The following ANKRD45 variants were observed in gnomAD, a reference collection of about 807,000 sequenced individuals.
ANKRD45 encodes ankyrin repeat domain 45.
A neutral mutation model predicts 28.1 loss-of-function variants in ANKRD45; 21 were observed. The ratio of observed to expected loss-of-function variants is 0.75; its 90% CI spans 0.53 to 1.08. ANKRD45 has a LOEUF of 1.08. Among genes scored for constraint, ANKRD45 ranks in the 50% least tolerant of loss-of-function variants. The pLI is 0.00. For synonymous variants in ANKRD45, 86 were observed against 103.9 expected, an observed-to-expected ratio of 0.83 and a Z score of 1.05; for missense variants, 261 against 308.7, an observed-to-expected ratio of 0.85 and a Z score of 1.16.
chr1:173,641,422 G>A (rs1203226367), intron 3 of ANKRD45, among the ~76,000 whole-genome samples: 1 of 152,178 alleles, frequency 6.6e-6, no homozygotes, highest in East Asian at 1.9e-4. Flanking sequence ...CACACTGAGG[G>A]TCAGGCCCAG....
the ANKRD45 span, among the ~76,000 whole-genome samples, chr1:173,680,258 T>A: frequency 6.6e-6 from 1 of 152,222 alleles, no homozygotes. Flanking sequence ...ATTGTGGCAC[T>A]ATTCACAATA....
At chr1:173,662,600 C>T (rs1053908880) in intron 1 of ANKRD45, among the ~76,000 whole-genome samples, 1 of 152,200 alleles carries the variant, frequency 6.6e-6, no homozygotes, top group Non-Finnish European at 1.5e-5. Context: ...CTTTCATCTT[C>T]ACAACTCTTG....
chr1:173,645,048 G>T (rs964973935), intron 3 of ANKRD45, among the ~76,000 whole-genome samples: 4 of 151,588 alleles, frequency 2.6e-5, no homozygotes, highest in Non-Finnish European at 5.9e-5. Context: ...TACTATTCAT[G>T]GGGGGAATCA....
At chr1:173,643,520 A>C (rs1668794929) in intron 3 of ANKRD45, among the ~76,000 whole-genome samples, 1 of 152,142 alleles carries the variant, frequency 6.6e-6, no homozygotes, top group African/African-American at 2.4e-5. Context: ...TTCCTACTTC[A>C]GATTGCTAAA....
At chr1:173,621,878 C>G (rs1558120399) in intron 5 of ANKRD45, among the ~76,000 whole-genome samples, 1 of 152,132 alleles carries the variant, frequency 6.6e-6, no homozygotes, top group Admixed American at 6.5e-5. Flanking sequence ...TCTTTGTTTG[C>G]AGATGACATG....
chr1:173,612,265 AAGAG>A (rs149711490), intron 5 of ANKRD45, among the ~76,000 whole-genome samples: 8 of 148,588 alleles, frequency 5.4e-5, no homozygotes, highest in Non-Finnish European at 1.2e-4. Context: ...AAAGAAAAGA[AAGAG>A]AGAGAGGGAG....
chr1:173,710,318 T>C, the ANKRD45 span, among the ~76,000 whole-genome samples: 242 of 152,202 alleles, frequency 1.6e-3, no homozygotes, highest in Middle Eastern at 0.01. Context: ...CTGAGGGGCA[T>C]GAAGCAGAAG....
chr1:173,658,984 A>G (rs1669664163), intron 2 of ANKRD45, 107 bp downstream of exon 2: 4 of 1,441,822 alleles, frequency 2.8e-6, no homozygotes, highest in Non-Finnish European at 3.7e-6. Context: ...ATACACATAT[A>G]TGTAAAGTAT....
chr1:173,671,172 C>A (rs570290231), upstream of ANKRD45, among the ~76,000 whole-genome samples: 9 of 152,170 alleles, frequency 5.9e-5, no homozygotes, highest in Non-Finnish European at 8.8e-5. Flanking sequence ...ATTAGCCACC[C>A]CACCCCCTAT....
In ANKRD45 at chr1:173,609,744, A is replaced by G. The variant is rs554375559; in HGVS notation, c.*401T>C. On this transcript the variant is annotated 3_prime_UTR_variant, in exon 6 of 6. Coordinates refer to ENST00000333279, the MANE Select transcript of ANKRD45 (RefSeq NM_198493.3). The stretch of plus-strand genomic sequence containing the variant: ...CTGGTCTTAATATTTCCTTGCTCCA[A>G]GTGTCATTCCATAAGATTTCCTTTT... 1 of 164,156 alleles carries G rather than the reference A, an allele frequency of 6.1e-6. No homozygotes were observed. Among genetic ancestry groups the G allele is most frequent in the East Asian group, 1.8e-4 (1 of 5,696 alleles). 10.2% of individuals were successfully genotyped at this position (164,156 alleles called of 1,614,324 possible). A position where few individuals can be genotyped will look rare whatever the true frequency, so the allele number is the denominator to read the frequency against.
chr1:173,701,675 C>T, the ANKRD45 span, among the ~76,000 whole-genome samples: 1 of 151,944 alleles, frequency 6.6e-6, no homozygotes, highest in Non-Finnish European at 1.5e-5. Flanking sequence ...GTCGTGAGGT[C>T]GGGAGATGGG....
At chr1:173,667,636 G>C in intron 1 of ANKRD45, 1 of 339,596 alleles carries the variant, frequency 2.9e-6, no homozygotes, top group Non-Finnish European at 5.7e-6. Flanking sequence ...AACCCAGGAG[G>C]CAGAGGTTGC....
the ANKRD45 span, among the ~76,000 whole-genome samples, chr1:173,681,047 G>A: frequency 7.9e-5 from 12 of 151,704 alleles, no homozygotes; most frequent in African/African-American, 2.9e-4. Context: ...GGGTTGATGG[G>A]TACAGCAAAC....
At chr1:173,673,646 C>T (rs776543452), upstream of ANKRD45, among the ~76,000 whole-genome samples, 5 of 148,420 alleles carry the variant, frequency 3.4e-5, no homozygotes, top group East Asian at 1.9e-4. Flanking sequence ...TTCTTGAAAC[C>T]GACACTTCAG....
chr1:173,689,881 A>G, the ANKRD45 span, among the ~76,000 whole-genome samples: 1 of 152,020 alleles, frequency 6.6e-6, no homozygotes, highest in Admixed American at 6.6e-5. Flanking sequence ...GCAGCCCTAC[A>G]AATCATACTC....
chr1:173,672,363 A>T (rs1229752527), upstream of ANKRD45, among the ~76,000 whole-genome samples: 4 of 152,168 alleles, frequency 2.6e-5, no homozygotes, highest in Non-Finnish European at 5.9e-5. Flanking sequence ...GGCTAATTTT[A>T]GGCATTTCAG....
At chr1:173,710,613 T>A in the ANKRD45 span, among the ~76,000 whole-genome samples, 30 of 152,280 alleles carry the variant, frequency 2.0e-4, 1 homozygote, top group Admixed American at 1.9e-3. Flanking sequence ...TCTGGTGGAA[T>A]GCCCCTGGAA....
chr1:173,653,110 T>C (rs1669318233), intron 2 of ANKRD45, among the ~76,000 whole-genome samples: 1 of 152,208 alleles, frequency 6.6e-6, no homozygotes. Context: ...AGTTCTGCTC[T>C]GACCTTAGTT....
At chr1:173,681,551 T>C in the ANKRD45 span, among the ~76,000 whole-genome samples, 3 of 152,226 alleles carry the variant, frequency 2.0e-5, no homozygotes, top group Non-Finnish European at 4.4e-5. Context: ...GGCATGCCGA[T>C]AGAAGTACAT....
Sources: allele counts gnomAD v4.1 joint callset (sites outside exome capture counted in the v4.1 genomes callset), GRCh38; gene constraint gnomAD v4.1.1; transcripts MANE v1.5; gene names NCBI Gene and HGNC (gene_info 2026-07-23, HGNC 2026-07-21).